The following PDE10A variants were observed in gnomAD, a reference collection of about 807,000 sequenced individuals.
The protein encoded by PDE10A is phosphodiesterase 10A, also known as cAMP and cAMP-inhibited cGMP 3',5'-cyclic phosphodiesterase 10A.
A neutral mutation model predicts 97.7 loss-of-function variants in PDE10A; 39 were observed. That is an observed-to-expected ratio of 0.40 (90% CI 0.31 to 0.52). The LOEUF (loss-of-function observed/expected upper bound fraction) is 0.52, where lower values mean the gene tolerates loss of function less well. PDE10A is among the 20% of genes least tolerant of loss of function. The probability of loss-of-function intolerance (pLI) is 0.56; values close to 1 mark genes in which losing one functional copy is unlikely to be tolerated. For synonymous variants in PDE10A, 371 were observed against 376.8 expected, an observed-to-expected ratio of 0.98 and a Z score of 0.18; for missense variants, 731 against 1,047.8, an observed-to-expected ratio of 0.70 and a Z score of 4.17.
chr6:165,346,812 A>T (rs944048016), intron 18 of PDE10A, among the ~76,000 whole-genome samples: 8 of 152,154 alleles, frequency 5.3e-5, no homozygotes, highest in Admixed American at 5.2e-4. Flanking sequence ...TTTTATAATG[A>T]TTATTTGAAA....
intron 1 of PDE10A, among the ~76,000 whole-genome samples, chr6:165,607,730 A>G (rs1219602627): frequency 3.9e-5 from 6 of 152,208 alleles, no homozygotes; most frequent in African/African-American, 1.4e-4. Context: ...TGAGTTGGAT[A>G]ACATTTTGGA....
chr6:165,679,166 G>C (rs1562680451), intron 1 of PDE10A, among the ~76,000 whole-genome samples: 1 of 152,208 alleles, frequency 6.6e-6, no homozygotes, highest in Non-Finnish European at 1.5e-5. Context: ...CTTCAGGACA[G>C]CCTCATCAGG....
chr6:165,907,550 C>G (rs116461028), intron 1 of PDE10A, among the ~76,000 whole-genome samples: 1,684 of 152,382 alleles, frequency 0.011, 27 homozygotes, highest in African/African-American at 0.036. Context: ...ACTGGCCGCC[C>G]TGAAGTTTGT....
intron 2 of PDE10A, among the ~76,000 whole-genome samples, chr6:165,511,335 A>C (rs1221949583): frequency 6.6e-6 from 1 of 152,146 alleles, no homozygotes; most frequent in Admixed American, 6.6e-5. Context: ...TCTAGTTTCT[A>C]AAGTTTCTTT....
At chr6:165,725,850 A>G (rs1040449672) in intron 1 of PDE10A, among the ~76,000 whole-genome samples, 2 of 152,010 alleles carry the variant, frequency 1.3e-5, no homozygotes, top group Non-Finnish European at 2.9e-5. Flanking sequence ...TCCCAGCTCC[A>G]TGCCATCCTC....
At chr6:165,968,293 C>T (rs1180523334) in intron 1 of PDE10A, among the ~76,000 whole-genome samples, 1 of 152,200 alleles carries the variant, frequency 6.6e-6, no homozygotes, top group Admixed American at 6.5e-5. Flanking sequence ...CATCGCAGGT[C>T]ATTGTATTTT....
At chr6:165,881,392 CTTTTTT>C (rs68159417) in intron 1 of PDE10A, among the ~76,000 whole-genome samples, 4,952 of 106,802 alleles carry the variant, frequency 0.046, 104 homozygotes, top group Middle Eastern at 0.1. Context: ...TTTTTCTTTT[CTTTTTT>C]TTTTTTTTTT....
intron 1 of PDE10A, among the ~76,000 whole-genome samples, chr6:165,803,217 C>T (rs1322917390): frequency 6.6e-6 from 1 of 152,198 alleles, no homozygotes; most frequent in Non-Finnish European, 1.5e-5. Flanking sequence ...TTCCCAAATT[C>T]ACCATTTGGA....
chr6:165,354,826 T>C (rs5003411), intron 18 of PDE10A, among the ~76,000 whole-genome samples: 71,024 of 151,788 alleles, frequency 0.47, 17,504 homozygotes, highest in African/African-American at 0.64. Context: ...ATTTCTACGC[T>C]GGTGGTAAAA....
chr6:165,375,116 C>A (rs1779979705), intron 18 of PDE10A, among the ~76,000 whole-genome samples: 1 of 152,014 alleles, frequency 6.6e-6, no homozygotes, highest in African/African-American at 2.4e-5. Context: ...AAAATTAGGC[C>A]AATTAATAAC....
chr6:165,884,630 T>C (rs781150324), intron 1 of PDE10A, among the ~76,000 whole-genome samples: 3 of 152,240 alleles, frequency 2.0e-5, no homozygotes, highest in African/African-American at 4.8e-5. Flanking sequence ...GACTCAAACA[T>C]AGAAACTTAA....
At chr6:165,955,079 A>T (rs1404548451) in intron 1 of PDE10A, among the ~76,000 whole-genome samples, 1 of 152,046 alleles carries the variant, frequency 6.6e-6, no homozygotes, top group East Asian at 1.9e-4. Context: ...CGTTTCCGTG[A>T]CAGCTCCTCC....
intron 2 of PDE10A, among the ~76,000 whole-genome samples, chr6:165,492,529 G>C (rs1044764243): frequency 6.6e-6 from 1 of 152,088 alleles, no homozygotes; most frequent in Non-Finnish European, 1.5e-5. Context: ...AGCAGGGATG[G>C]TTTAACATTC....
At chr6:165,625,214 C>T (rs146843383) in intron 1 of PDE10A, among the ~76,000 whole-genome samples, 63 of 152,318 alleles carry the variant, frequency 4.1e-4, no homozygotes, top group Middle Eastern at 6.8e-3. Flanking sequence ...ACTGGCCCTG[C>T]GCAAGGCTCA....
At chr6:165,429,631 TAGG>T (rs986542295) in intron 9 of PDE10A, among the ~76,000 whole-genome samples, 8 of 152,152 alleles carry the variant, frequency 5.3e-5, no homozygotes, top group Admixed American at 5.2e-4. Context: ...AGTGAACTTG[TAGG>T]AGGACATGAC....
intron 4 of PDE10A, 23 bp downstream of exon 4, chr6:165,450,219 C>A: frequency 6.6e-7 from 1 of 1,511,374 alleles, no homozygotes; most frequent in Non-Finnish European, 8.9e-7. Context: ...TTTTTTCTAA[C>A]AGGAACACAA....
At chr6:165,851,349 G>T (rs1435975806) in intron 1 of PDE10A, among the ~76,000 whole-genome samples, 3 of 152,176 alleles carry the variant, frequency 2.0e-5, no homozygotes, top group Non-Finnish European at 2.9e-5. Flanking sequence ...TTCTCCAAAT[G>T]GTTCTGCCCA....
rs1583744168 is a variant in PDE10A, at chr6:165,662,305, C to G, written c.507G>C (p.Glu169Asp). The change falls in exon 1 of 22, where the codon GAG becomes GAC. Residue 169 changes from glutamate (E) to aspartate (D), a missense_variant. Physicochemically the swap from Glu to Asp is conservative, Grantham distance 45. Transcript: ENST00000539869. ...TGGTGGGGACGCTCAAGGGAGCTGC[C>G]TCTTGTCCTCCTCCTCCTCCTCCGC... The part of the protein sequence containing the change: ...DAGGGGGGGQ[E>D]AAPLSVPTSS... The G allele has an allele frequency of 6.2e-6, 1 of 161,256 alleles. No individual in the cohort carries two copies. The highest frequency in any genetic ancestry group is 1.9e-4 in the East Asian group (1 of 5,364). The allele number at this position is 161,256 out of a possible 1,614,324, so 10.0% of individuals were successfully genotyped here. A position where few individuals can be genotyped will look rare whatever the true frequency, so the allele number is the denominator to read the frequency against.
intron 1 of PDE10A, among the ~76,000 whole-genome samples, chr6:165,586,795 A>C (rs1296556566): frequency 1.3e-5 from 2 of 152,202 alleles, no homozygotes; most frequent in African/African-American, 4.8e-5. Flanking sequence ...CCTTGATTTG[A>C]AATTTGGTTG....
Sources: gnomAD v4.1 joint callset for allele counts (sites outside exome capture counted in the v4.1 genomes callset) on GRCh38, gnomAD v4.1.1 for gene constraint, MANE v1.5 for transcripts, NCBI Gene and HGNC (gene_info 2026-07-23, HGNC 2026-07-21) for gene names.